Variants in MYRFL observed in about 807,000 individuals in gnomAD.
MYRFL encodes the protein myelin regulatory factor like.
A neutral mutation model predicts 109.4 loss-of-function variants in MYRFL; 88 were observed. The ratio of observed to expected loss-of-function variants is 0.80; its 90% CI spans 0.68 to 0.96. The LOEUF is 0.96. Among genes scored for constraint, MYRFL ranks in the 40% least tolerant of loss-of-function variants. The probability of loss-of-function intolerance (pLI) is 0.00; values close to 1 mark genes in which losing one functional copy is unlikely to be tolerated. For synonymous variants in MYRFL, 324 were observed against 320.9 expected, an observed-to-expected ratio of 1.01 and a Z score of -0.10; for missense variants, 957 against 954.9, an observed-to-expected ratio of 1.00 and a Z score of -0.03.
intron 11 of MYRFL, among the ~76,000 whole-genome samples, chr12:69,906,197 T>A (rs1406156609): frequency 1.3e-5 from 2 of 152,192 alleles, no homozygotes; most frequent in Non-Finnish European, 2.9e-5. Flanking sequence ...ATTAAGAACA[T>A]GATTATCTAC....
intron 5 of MYRFL, among the ~76,000 whole-genome samples, chr12:69,882,053 G>A (rs917980144): frequency 6.6e-6 from 1 of 152,142 alleles, no homozygotes; most frequent in African/African-American, 2.4e-5. Flanking sequence ...AATTGTCCTG[G>A]CCATCCCAGA....
chr12:69,897,025 A>C (rs1302254185), intron 9 of MYRFL, 131 bp from the exon 10 acceptor site: 7 of 679,632 alleles, frequency 1.0e-5, no homozygotes, highest in Non-Finnish European at 1.8e-5. Context: ...ACAGAAGGGA[A>C]AAGGCAGTCT....
intron 4 of MYRFL, among the ~76,000 whole-genome samples, chr12:69,879,724 G>A (rs1012199465): frequency 7.2e-5 from 11 of 152,208 alleles, no homozygotes; most frequent in African/African-American, 2.7e-4. Context: ...AACACCGTAA[G>A]CTTATGCAGC....
chr12:69,836,495 A>G (rs781752970), intron 1 of MYRFL, among the ~76,000 whole-genome samples: 3 of 152,192 alleles, frequency 2.0e-5, no homozygotes, highest in Admixed American at 6.5e-5. Flanking sequence ...ATTCCACAAG[A>G]TAACAGCTAG....
intron 1 of MYRFL, among the ~76,000 whole-genome samples, chr12:69,825,973 G>A (rs1882251004): frequency 6.6e-6 from 1 of 152,046 alleles, no homozygotes; most frequent in East Asian, 1.9e-4. Flanking sequence ...AGTATGAGAA[G>A]AAGTGAGGGA....
At chr12:69,873,043 C>T (rs1462626497) in intron 2 of MYRFL, among the ~76,000 whole-genome samples, 3 of 152,150 alleles carry the variant, frequency 2.0e-5, no homozygotes, top group Non-Finnish European at 4.4e-5. Context: ...CTACTGGATG[C>T]CTGAAACTGA....
At chr12:69,887,375 C>T (rs1592758610) in intron 6 of MYRFL, among the ~76,000 whole-genome samples, 1 of 152,146 alleles carries the variant, frequency 6.6e-6, no homozygotes, top group Admixed American at 6.6e-5. Context: ...CCACCCCCCA[C>T]GTATATGCTG....
intron 6 of MYRFL, among the ~76,000 whole-genome samples, chr12:69,890,685 A>G (rs894346566): frequency 2.6e-5 from 4 of 152,228 alleles, no homozygotes; most frequent in Admixed American, 6.5e-5. Context: ...CAGTGAGCCA[A>G]GTTGGTGCTA....
At chr12:69,841,600 C>A (rs527417109) in intron 1 of MYRFL, among the ~76,000 whole-genome samples, 69 of 152,304 alleles carry the variant, frequency 4.5e-4, no homozygotes, top group East Asian at 3.1e-3. Context: ...ACTTTCCTGA[C>A]CACACCACAC....
chr12:69,887,260 A>G (rs11177926), intron 6 of MYRFL, among the ~76,000 whole-genome samples: 14,647 of 152,252 alleles, frequency 0.096, 942 homozygotes, highest in Middle Eastern at 0.15. Flanking sequence ...TAAACTAAAA[A>G]CTGGAATATA....
chr12:69,846,703 G>A (rs142721775), intron 1 of MYRFL, among the ~76,000 whole-genome samples: 2,350 of 152,176 alleles, frequency 0.015, 57 homozygotes, highest in African/African-American at 0.054. Flanking sequence ...GGTCCTTTGG[G>A]TATATACCCA....
chr12:69,906,859 T>C (rs1954379982), intron 11 of MYRFL, among the ~76,000 whole-genome samples: 2 of 152,214 alleles, frequency 1.3e-5, no homozygotes. Context: ...GTGTTGTCTG[T>C]GATGCAATTC....
intron 1 of MYRFL, among the ~76,000 whole-genome samples, chr12:69,853,560 G>A (rs1414039730): frequency 1.2e-4 from 18 of 147,448 alleles, no homozygotes; most frequent in African/African-American, 2.8e-4. Context: ...GACGACGGGC[G>A]GCCAGGCAGA....
intron 19 of MYRFL, among the ~76,000 whole-genome samples, chr12:69,949,197 T>A (rs1184511977): frequency 6.6e-6 from 1 of 151,934 alleles, no homozygotes; most frequent in African/African-American, 2.4e-5. Context: ...GTACTGTTGC[T>A]TTTGCTTTCT....
At chr12:69,827,256 T>TAA (rs953418466) in intron 1 of MYRFL, among the ~76,000 whole-genome samples, 2 of 152,108 alleles carry the variant, frequency 1.3e-5, no homozygotes, top group Non-Finnish European at 2.9e-5. Flanking sequence ...AAGCCCTAAA[T>TAA]AATATATGTT....
chr12:69,864,372 A>C (rs1408030858), intron 2 of MYRFL, among the ~76,000 whole-genome samples: 1 of 150,960 alleles, frequency 6.6e-6, no homozygotes, highest in Non-Finnish European at 1.5e-5. Context: ...TATATTGGAT[A>C]ATTTCTATTG....
intron 19 of MYRFL, among the ~76,000 whole-genome samples, chr12:69,949,306 C>T (rs971779792): frequency 2.6e-5 from 4 of 151,684 alleles, no homozygotes; most frequent in African/African-American, 9.7e-5. Context: ...ACTTAGCGAC[C>T]CACTAAATGA....
chr12:69,891,637 TTTTCTTTCTTTC>T (rs3970813), intron 7 of MYRFL, among the ~76,000 whole-genome samples: 11 of 53,840 alleles, frequency 2.0e-4, no homozygotes, highest in Admixed American at 7.9e-4. Flanking sequence ...CTTCCTTTCT[TTTTCTTTCTTTC>T]TTTCTTTCTT....
At chr12:69,838,675 A>G (rs1022293605) in intron 1 of MYRFL, among the ~76,000 whole-genome samples, 17 of 152,210 alleles carry the variant, frequency 1.1e-4, no homozygotes, top group African/African-American at 4.1e-4. Context: ...GTAACATAAA[A>G]GTTTAATCCT....
Sources: allele counts gnomAD v4.1 joint callset (sites outside exome capture counted in the v4.1 genomes callset), GRCh38; gene constraint gnomAD v4.1.1; transcripts MANE v1.5; gene names NCBI Gene and HGNC (gene_info 2026-07-23, HGNC 2026-07-21).